The following SMCHD1 variants were observed in gnomAD, a reference collection of about 807,000 sequenced individuals.
SMCHD1 encodes structural maintenance of chromosomes flexible hinge domain containing 1.
Under a neutral mutation model 254.7 loss-of-function variants are expected in SMCHD1, and 78 were observed. The observed-to-expected ratio is 0.31, with a 90% CI of 0.26 to 0.37. The LOEUF (loss-of-function observed/expected upper bound fraction) is 0.37. Among genes scored for constraint, SMCHD1 ranks in the 10% least tolerant of loss-of-function variants. The pLI is 1.00. For missense variants in SMCHD1, 1,840 were observed against 2,408.1 expected (o/e 0.76, Z 4.94); for synonymous variants, 766 against 794.9 (o/e 0.96, Z 0.61).
intron 5 of SMCHD1, among the ~76,000 whole-genome samples, chr18:2,677,720 G>A (rs147822762): frequency 0.018 from 2,725 of 152,194 alleles, 41 homozygotes; most frequent in Middle Eastern, 0.099. Context: ...TCTGCCTCTT[G>A]GGCTCAAGTG....
Position 2,674,011 on chromosome 18 carries a change from A to G in SMCHD1, c.508-4A>G. The G allele has an allele frequency of 6.3e-7, 1 of 1,575,510 alleles. No homozygotes were observed. The highest frequency in any genetic ancestry group is 8.6e-7 in the Non-Finnish European group (1 of 1,161,548). ...TGTCTTTTTGAACTTATTTTGTTTC[A>G]TAGCTTTTTGATGAAACACAAGGAA... On this transcript the variant is annotated splice_polypyrimidine_tract_variant and splice_region_variant and intron_variant, in intron 4 of 47. Transcript: ENST00000320876.
chr18:2,771,223 T>TAA (rs2075978763), intron 39 of SMCHD1, among the ~76,000 whole-genome samples: 16 of 152,332 alleles, frequency 1.1e-4, no homozygotes, highest in Admixed American at 9.1e-4. Context: ...GAGAACAGCC[T>TAA]TGTGCAATTA....
At chr18:2,704,041 A>G (rs2074460645) in intron 13 of SMCHD1, among the ~76,000 whole-genome samples, 155 bp downstream of exon 13, 1 of 152,152 alleles carries the variant, frequency 6.6e-6, no homozygotes, top group Admixed American at 6.6e-5. Flanking sequence ...GACTCTTCAC[A>G]GGCCTGTTTG....
intron 5 of SMCHD1, among the ~76,000 whole-genome samples, chr18:2,680,773 A>G (rs367823820): frequency 5.9e-5 from 9 of 152,046 alleles, no homozygotes; most frequent in East Asian, 1.9e-4. Context: ...GTTTTCTCCA[A>G]CTGTTTTCAT....
intron 1 of SMCHD1, among the ~76,000 whole-genome samples, chr18:2,663,705 C>A (rs944664223): frequency 1.3e-5 from 2 of 151,042 alleles, no homozygotes; most frequent in African/African-American, 4.9e-5. Context: ...TTCTCTTCCA[C>A]TGGTCTATTC....
Position 2,673,984 on chromosome 18 carries a change from C to T in SMCHD1, c.508-31C>T, listed in dbSNP as rs749935298. ...TGTTTTAAGTATTGATTTGACTTTT[C>T]CTGTCTTTTTGAACTTATTTTGTTT... On this transcript the variant is annotated intron_variant, in intron 4 of 47. Coordinates refer to ENST00000320876, the MANE Select transcript of SMCHD1 (RefSeq NM_015295.3). The T allele has an allele frequency of 3.2e-6, 5 of 1,544,724 alleles. No individual in the cohort carries two copies. In the Admixed American group the frequency reaches 1.1e-4, roughly 34 times the overall value.
At chr18:2,778,751 CCT>C (rs1169000854) in intron 44 of SMCHD1, among the ~76,000 whole-genome samples, 3 of 152,128 alleles carry the variant, frequency 2.0e-5, no homozygotes. Flanking sequence ...CTCTCTTCCC[CCT>C]GTCTCTTCAC....
At chr18:2,664,857 A>G (rs1423205033) in intron 1 of SMCHD1, among the ~76,000 whole-genome samples, 1 of 152,236 alleles carries the variant, frequency 6.6e-6, no homozygotes, top group Non-Finnish European at 1.5e-5. Flanking sequence ...GTTATCCTGA[A>G]GTACCATTGA....
intron 5 of SMCHD1, among the ~76,000 whole-genome samples, chr18:2,682,092 G>A (rs1253198718): frequency 6.6e-6 from 1 of 152,020 alleles, no homozygotes; most frequent in Non-Finnish European, 1.5e-5. Context: ...CCATATGTCT[G>A]GCACATTTAT....
intron 44 of SMCHD1, among the ~76,000 whole-genome samples, chr18:2,781,319 A>G (rs2076153863): frequency 6.6e-6 from 1 of 152,268 alleles, no homozygotes; most frequent in Admixed American, 6.5e-5. Context: ...ATTCATCAAC[A>G]TAACAATTGA....
chr18:2,769,617 T>C, intron 37 of SMCHD1, 77 bp from the exon 38 acceptor site: 1 of 1,445,272 alleles, frequency 6.9e-7, no homozygotes, highest in East Asian at 2.5e-5. Flanking sequence ...AACAGCATAA[T>C]GAGTTATGTA....
rs142495642 is a variant in SMCHD1, at chr18:2,663,542, T to C, written c.187-2615T>C. 3.9e-5 allele frequency among the ~76,000 whole-genome samples: 6 copies of C among 152,308 alleles called. No homozygotes were observed. In the East Asian group the frequency reaches 1.2e-3, roughly 29 times the overall value. On this transcript the variant is annotated intron_variant, in intron 1 of 47. Transcript: ENST00000320876. ...GAATTTATTTTTGTCTAAGTTAAGG[T>C]GTGGATTTTATCTGTTTCCATGTTG...
At chr18:2,713,662 C>T (rs778491722) in intron 17 of SMCHD1, among the ~76,000 whole-genome samples, 12 of 152,046 alleles carry the variant, frequency 7.9e-5, no homozygotes, top group Non-Finnish European at 1.3e-4. Context: ...TCCAGCCTGG[C>T]AACAGAGTGA....
chr18:2,710,488 C>T (rs2143290307), intron 17 of SMCHD1, among the ~76,000 whole-genome samples: 1 of 152,286 alleles, frequency 6.6e-6, no homozygotes, highest in South Asian at 2.1e-4. Context: ...ATTATTTTTA[C>T]CTTAGCAATT....
intron 37 of SMCHD1, among the ~76,000 whole-genome samples, chr18:2,769,469 AC>A (rs2075935142): frequency 1.3e-5 from 2 of 152,312 alleles, no homozygotes; most frequent in Non-Finnish European, 2.9e-5. Context: ...GTTTATTGAT[AC>A]GATCATTTGG....
chr18:2,688,162 G>GCC (rs2074094750), intron 5 of SMCHD1, among the ~76,000 whole-genome samples: 1 of 152,174 alleles, frequency 6.6e-6, no homozygotes, highest in Non-Finnish European at 1.5e-5. Context: ...GTAGGATTGA[G>GCC]CCCAAGAGTT....
intron 7 of SMCHD1, among the ~76,000 whole-genome samples, chr18:2,694,185 G>T (rs78534997): frequency 6.6e-6 from 1 of 152,188 alleles, no homozygotes; most frequent in East Asian, 1.9e-4. Context: ...CCAAGCAAGC[G>T]TTCATTCTAC....
chr18:2,775,642 A>G, intron 41 of SMCHD1, 92 bp from the exon 42 acceptor site: 1 of 977,436 alleles, frequency 1.0e-6, no homozygotes, highest in East Asian at 3.0e-5. Flanking sequence ...GTTTCAGAGA[A>G]GTTTTTGTTA....
intron 29 of SMCHD1, among the ~76,000 whole-genome samples, chr18:2,745,587 A>C (rs2075438804): frequency 6.6e-6 from 1 of 152,244 alleles, no homozygotes; most frequent in Non-Finnish European, 1.5e-5. Context: ...CAAAACATAA[A>C]TTAACCCACT....
Sources: gnomAD v4.1 joint callset for allele counts (sites outside exome capture counted in the v4.1 genomes callset) on GRCh38, gnomAD v4.1.1 for gene constraint, MANE v1.5 for transcripts, NCBI Gene and HGNC (gene_info 2026-07-23, HGNC 2026-07-21) for gene names.